Variants in CDH8 observed in about 807,000 individuals in gnomAD.
CDH8 encodes cadherin 8.
In CDH8, 17 loss-of-function variants were observed where a neutral mutation model predicts 68.1. The observed-to-expected ratio is 0.25, with a 90% CI of 0.17 to 0.37. CDH8 has a LOEUF of 0.37. Among genes scored for constraint, CDH8 ranks in the 10% least tolerant of loss-of-function variants. The probability of loss-of-function intolerance (pLI) is 1.00; values close to 1 mark genes in which losing one functional copy is unlikely to be tolerated. For synonymous variants in CDH8, 372 were observed against 365.1 expected (o/e 1.02, Z -0.21); for missense variants, 763 against 999.3 (o/e 0.76, Z 3.19).
chr16:61,783,779 A>G (rs546994957), intron 8 of CDH8, among the ~76,000 whole-genome samples: 23 of 152,218 alleles, frequency 1.5e-4, no homozygotes, highest in Admixed American at 1.4e-3. Context: ...TGGGGCCAAT[A>G]TTCAACATTC....
chr16:61,778,077 G>C (rs1960946058), intron 8 of CDH8, among the ~76,000 whole-genome samples: 1 of 152,012 alleles, frequency 6.6e-6, no homozygotes, highest in Non-Finnish European at 1.5e-5. Flanking sequence ...TGCAACCTGT[G>C]TGATTTTGGG....
chr16:61,951,902 C>T (rs749722256), intron 2 of CDH8, among the ~76,000 whole-genome samples: 12 of 152,088 alleles, frequency 7.9e-5, no homozygotes, highest in South Asian at 2.1e-4. Context: ...CAATGGGAAA[C>T]GGGATTTGCT....
chr16:61,965,181 C>T lies in CDH8; in HGVS notation c.252+55971G>A, dbSNP rs953911235. On this transcript the variant is annotated intron_variant, in intron 2 of 11. Coordinates refer to ENST00000577390, the MANE Select transcript of CDH8 (RefSeq NM_001796.5). ...TAGGCATCACTTCTGTCTAACTAACCGTACAAAGTGGTCCATTTATGACCA... is the reference window on the plus strand; with the variant it reads ...TAGGCATCACTTCTGTCTAACTAACTGTACAAAGTGGTCCATTTATGACCA... Among the ~76,000 whole-genome samples, 5 of 152,156 alleles carry T rather than the reference C, an allele frequency of 3.3e-5. No homozygotes were observed. The South Asian group carries it at 6.2e-4, about 19-fold the overall frequency.
Position 61,652,190 on chromosome 16 carries a change from A to G in CDH8, c.*1418T>C. The G allele has an allele frequency of 1.0e-6, 1 of 982,862 alleles. No individual in the cohort carries two copies. The highest frequency in any genetic ancestry group is 1.2e-6 in the Non-Finnish European group (1 of 827,588). The allele number at this position is 982,862 out of a possible 1,614,324, so 60.9% of individuals were successfully genotyped here. A position where few individuals can be genotyped will look rare whatever the true frequency, so the allele number is the denominator to read the frequency against. ...CCTAAATGGCAGGTTTGCATTACAA[A>G]TTAAATATGCTCACATCTTCTAGTG... On this transcript the variant is annotated 3_prime_UTR_variant, in exon 12 of 12. Coordinates refer to ENST00000577390, the MANE Select transcript of CDH8 (RefSeq NM_001796.5).
At chr16:62,021,906 C>T (rs1191059267) in intron 1 of CDH8, among the ~76,000 whole-genome samples, 3 of 151,896 alleles carry the variant, frequency 2.0e-5, no homozygotes, top group African/African-American at 7.3e-5. Context: ...TCTTTTCTTC[C>T]TCTTGACTTT....
intron 1 of CDH8, among the ~76,000 whole-genome samples, chr16:62,024,206 G>A (rs1231757633): frequency 1.3e-5 from 2 of 151,996 alleles, no homozygotes; most frequent in African/African-American, 4.8e-5. Context: ...CAGCCTGCTT[G>A]GGGTTTGAGT....
intron 1 of CDH8, among the ~76,000 whole-genome samples, chr16:62,029,068 T>C (rs986847469): frequency 6.6e-6 from 1 of 152,180 alleles, no homozygotes; most frequent in Non-Finnish European, 1.5e-5. Context: ...GAATCACAGC[T>C]CTATCGTTCA....
rs199598283 is a variant in CDH8 at position 61,985,061 on chromosome 16, C to A, written c.252+36091G>T. ...TGTATATATTCCCTTTACAATGACT[C>A]TTGATATGTGTTAATGTAGGCACCC... On this transcript the variant is annotated intron_variant, in intron 2 of 11. Transcript: ENST00000577390. 5.3e-5 allele frequency among the ~76,000 whole-genome samples: 8 copies of A among 150,976 alleles called. No individual in the cohort carries two copies. The East Asian group carries it at 1.4e-3, about 26-fold the overall frequency.
At chr16:61,996,099 T>C (rs1404613314) in intron 2 of CDH8, among the ~76,000 whole-genome samples, 1 of 152,200 alleles carries the variant, frequency 6.6e-6, no homozygotes, top group East Asian at 1.9e-4. Context: ...TGCAGATAAA[T>C]TCATCAAAAC....
chr16:61,921,334 T>C (rs1964363565), intron 2 of CDH8, among the ~76,000 whole-genome samples: 1 of 151,824 alleles, frequency 6.6e-6, no homozygotes, highest in African/African-American at 2.4e-5. Context: ...AACCACTTTA[T>C]TTGTAAAACC....
intron 8 of CDH8, among the ~76,000 whole-genome samples, chr16:61,749,225 G>T (rs377762926): frequency 2.6e-5 from 4 of 151,924 alleles, no homozygotes; most frequent in Non-Finnish European, 4.4e-5. Context: ...AAAAAAGGCC[G>T]CCAGAGCTTT....
At chr16:61,841,727 A>G (rs1037139891) in intron 4 of CDH8, among the ~76,000 whole-genome samples, 5 of 152,290 alleles carry the variant, frequency 3.3e-5, no homozygotes, top group East Asian at 1.9e-4. Context: ...CCCATTCTCC[A>G]TGATGTGCTT....
chr16:61,773,459 C>G (rs1960829176), intron 8 of CDH8, among the ~76,000 whole-genome samples: 1 of 152,116 alleles, frequency 6.6e-6, no homozygotes, highest in Non-Finnish European at 1.5e-5. Flanking sequence ...TGAATCCTAT[C>G]TGTACTGGTA....
intron 8 of CDH8, among the ~76,000 whole-genome samples, chr16:61,739,734 A>AAAAAAG (rs771933210): frequency 1.7e-4 from 24 of 142,060 alleles, no homozygotes; most frequent in East Asian, 8.3e-4. Flanking sequence ...CCTCAAAAAA[A>AAAAAAG]AAAAGAAAAG....
At chr16:61,860,403 T>A (rs955803642) in intron 3 of CDH8, among the ~76,000 whole-genome samples, 6 of 152,172 alleles carry the variant, frequency 3.9e-5, no homozygotes, top group African/African-American at 1.4e-4. Context: ...GCAACTTTTC[T>A]GTAAGTCTAA....
At chr16:62,002,068 C>T (rs575518942) in intron 2 of CDH8, among the ~76,000 whole-genome samples, 1 of 152,054 alleles carries the variant, frequency 6.6e-6, no homozygotes, top group Admixed American at 6.6e-5. Context: ...TCTTCATGAC[C>T]TCAGCAAAGA....
intron 8 of CDH8, among the ~76,000 whole-genome samples, chr16:61,749,470 A>G (rs1454158496): frequency 6.6e-6 from 1 of 152,108 alleles, no homozygotes; most frequent in African/African-American, 2.4e-5. Context: ...ATTACAGTTT[A>G]GAAAACCCCA....
chr16:61,914,136 A>G (rs1313525108), intron 2 of CDH8, among the ~76,000 whole-genome samples: 4 of 152,306 alleles, frequency 2.6e-5, no homozygotes, highest in Non-Finnish European at 4.4e-5. Flanking sequence ...GAAGGCACCC[A>G]TCACAAACCA....
At chr16:62,016,495 G>C (rs979049682) in intron 2 of CDH8, among the ~76,000 whole-genome samples, 4 of 152,152 alleles carry the variant, frequency 2.6e-5, no homozygotes, top group South Asian at 2.1e-4. Context: ...CCACAGAATA[G>C]TATTTTTGTG....
Sources: allele counts gnomAD v4.1 joint callset (sites outside exome capture counted in the v4.1 genomes callset), GRCh38; gene constraint gnomAD v4.1.1; transcripts MANE v1.5; gene names NCBI Gene and HGNC (gene_info 2026-07-23, HGNC 2026-07-21).